The following P4HB variants were observed in gnomAD, a reference collection of about 807,000 sequenced individuals.
P4HB encodes the protein prolyl 4-hydroxylase subunit beta, also known as protein disulfide-isomerase.
Under a neutral mutation model 52.6 loss-of-function variants are expected in P4HB, and 20 were observed. That is an observed-to-expected ratio of 0.38 (90% CI 0.27 to 0.55). The LOEUF is 0.55. Among genes scored for constraint, P4HB ranks in the 20% least tolerant of loss-of-function variants. The pLI, the probability that P4HB is intolerant of heterozygous loss-of-function variation, is 0.74. For synonymous variants in P4HB, 296 were observed against 277.9 expected (o/e 1.07, Z -0.65); for missense variants, 601 against 669.2 (o/e 0.90, Z 1.12).
chr17:81,857,453 C>T (rs2038929484), intron 2 of P4HB, among the ~76,000 whole-genome samples: 1 of 152,184 alleles, frequency 6.6e-6, no homozygotes, highest in South Asian at 2.1e-4. Flanking sequence ...CCAGCCTGTC[C>T]TCTGCGTTAT....
In P4HB at chr17:81,859,164, C is replaced by T. The variant is rs534290895; in HGVS notation, c.352+17G>A. The T allele has an allele frequency of 5.6e-6, 9 of 1,609,290 alleles. No individual in the cohort carries two copies. The highest frequency in any genetic ancestry group is 7.7e-6 in the Non-Finnish European group (9 of 1,175,964). ...TCCCTCTCTAAAGACAGTTCAAGGG[C>T]AGTGCCACAGCCACACCTGTATATT... On this transcript the variant is annotated intron_variant, in intron 2 of 10. Transcript: ENST00000331483.
At chr17:81,850,404 G>A (rs1174348101) in intron 4 of P4HB, among the ~76,000 whole-genome samples, 1 of 152,044 alleles carries the variant, frequency 6.6e-6, no homozygotes, top group East Asian at 1.9e-4. Context: ...CCAAAGTGCT[G>A]GAATTACAGG....
chr17:81,855,426 GGA>G lies in P4HB; in HGVS notation c.486+25_486+26del, dbSNP rs1567840822. 6.2e-7 allele frequency: 1 copy of G among 1,600,856 alleles called. No individual in the cohort carries two copies. On this transcript the variant is annotated intron_variant, in intron 3 of 10. Transcript: ENST00000331483. This position sits in a 1 kb window ranked among gnomAD's most constrained non-coding sequence, Gnocchi z 4.3. ...CCTCCTCAATGGATGACGGAAGGAA[GGA>G]AGACTGGAATGCTCTGGTCTCTACC...
chr17:81,851,527 C>A (rs2038830482), intron 4 of P4HB, among the ~76,000 whole-genome samples: 1 of 152,190 alleles, frequency 6.6e-6, no homozygotes, highest in Non-Finnish European at 1.5e-5. Flanking sequence ...TTCAGGAGGC[C>A]CTTGGAGGGA....
intron 4 of P4HB, among the ~76,000 whole-genome samples, chr17:81,849,367 G>C (rs2038791682): frequency 7.0e-6 from 1 of 143,822 alleles, no homozygotes; most frequent in South Asian, 2.2e-4. Flanking sequence ...GTGGTGGCGG[G>C]TGCCTGTAAT....
Position 81,855,233 on chromosome 17 carries a change from G to C in P4HB, c.533C>G (p.Ala178Gly). 6.2e-7 allele frequency: 1 copy of C among 1,613,862 alleles called. No individual in the cohort carries two copies. Among genetic ancestry groups the C allele is most frequent in the Non-Finnish European group, 8.5e-7 (1 of 1,179,826 alleles). The change falls in exon 4 of 11, where the codon GCC becomes GGC. Residue 178 changes from alanine to glycine, a missense_variant. By Grantham distance (60) the Ala-to-Gly change is moderately conservative (BLOSUM62 0). Coordinates refer to ENST00000331483, the MANE Select transcript of P4HB (RefSeq NM_000918.4). This position sits in a 1 kb window ranked among gnomAD's most constrained non-coding sequence, Gnocchi z 4.3. ...SAKQFLQAAE[A>G]IDDIPFGITS... ...GATCCCAAATGGTATGTCATCGATG[G>C]CCTCTGCTGCCTGCAAAAACTGCTT...
intron 5 of P4HB, 54 bp from the exon 6 acceptor site, chr17:81,847,126 G>C: frequency 6.2e-7 from 1 of 1,610,896 alleles, no homozygotes; most frequent in Non-Finnish European, 8.5e-7. Context: ...TAATGCAGAA[G>C]ATTCTCCCAA....
Position 81,845,706 on chromosome 17 carries a change from G to A in P4HB, c.1214C>T (p.Pro405Leu), listed in dbSNP as rs374921280. 7 of 1,613,608 alleles carry A rather than the reference G, an allele frequency of 4.3e-6. No individual in the cohort carries two copies. In the East Asian group the frequency reaches 6.7e-5, roughly 15 times the overall value. The change falls in exon 9 of 11, where the codon CCC becomes CTC. Residue 405 changes from proline to leucine, a missense_variant. By Grantham distance (98) the Pro-to-Leu change is moderately conservative. Coordinates refer to ENST00000331483, the MANE Select transcript of P4HB (RefSeq NM_000918.4). Reference sequence around the variant, plus strand: ...CGTCTCTCCCAGTTTATCCCAAATGGGAGCCAACTGTTTGCAGTGACCACA... The same window carrying A: ...CGTCTCTCCCAGTTTATCCCAAATGAGAGCCAACTGTTTGCAGTGACCACA... Reference protein sequence around the residue: ...PWCGHCKQLAPIWDKLGETYK... With the variant: ...PWCGHCKQLALIWDKLGETYK...
chr17:81,856,406 C>T (rs1316781966), intron 2 of P4HB, among the ~76,000 whole-genome samples: 2 of 145,678 alleles, frequency 1.4e-5, no homozygotes, highest in African/African-American at 2.6e-5. Context: ...AGTGTGATCT[C>T]GGCTCACTGC....
In P4HB at chr17:81,845,400, ATC is replaced by A. The variant is rs951119108; in HGVS notation, c.1359+159_1359+160del. On this transcript the variant is annotated intron_variant, in intron 9 of 10. Coordinates refer to ENST00000331483, the MANE Select transcript of P4HB (RefSeq NM_000918.4). ...AGCCTAGGCAATATAGTGAGATCCC[ATC>A]TCTCTCGAAAAACAAAGGTGGGTGC... The A allele has an allele frequency of 8.2e-5, 69 of 836,842 alleles. No individual in the cohort carries two copies. The African/African-American group carries it at 1.0e-3, about 13-fold the overall frequency. The allele number at this position is 836,842 out of a possible 1,614,324, so 51.8% of individuals were successfully genotyped here.
rs919185627 is a variant in P4HB at position 81,846,586 on chromosome 17, C to T, written c.899G>A (p.Arg300His). 1.3e-5 allele frequency: 21 copies of T among 1,613,908 alleles called. No homozygotes were observed. Among genetic ancestry groups the T allele is most frequent in the African/African-American group, 5.3e-5 (4 of 74,920 alleles). ...FIDSDHTDNQRILEFFGLKKE... is the reference protein window; with the variant it reads ...FIDSDHTDNQHILEFFGLKKE... ...CTTCAGGCCAAAGAACTCGAGGATG[C>T]GCTGGTTGTCGGTGTGGTCGCTGTC... The change falls in exon 7 of 11, where the codon CGC (arginine) becomes CAC (histidine). Residue 300 changes from arginine (R) to histidine (H), a missense_variant. Arg to His is a conservative substitution (Grantham distance 29). Transcript: ENST00000331483. This position sits in a 1 kb window ranked among gnomAD's most constrained non-coding sequence, Gnocchi z 5.7.
intron 2 of P4HB, among the ~76,000 whole-genome samples, chr17:81,856,647 CT>C (rs112230345): frequency 0.035 from 4,553 of 128,424 alleles, 223 homozygotes; most frequent in African/African-American, 0.12. Flanking sequence ...AATGTTTCTT[CT>C]TTTTTTTTTT....
Position 81,851,431 on chromosome 17 carries a change from C to A in P4HB, c.624+3711G>T, listed in dbSNP as rs545580059. On this transcript the variant is annotated intron_variant, in intron 4 of 10. Transcript: ENST00000331483. ...CAGGGCACAAGCACCAACCACCCTG[C>A]CCGAACCCGAGGGGCAGAGGCTTCT... 1.1e-3 allele frequency among the ~76,000 whole-genome samples: 167 copies of A among 152,330 alleles called. 2 individuals carry two copies. Among genetic ancestry groups the A allele is most frequent in the East Asian group, 5.8e-4 (3 of 5,184 alleles).
At chr17:81,854,203 G>C (rs761010034) in intron 4 of P4HB, among the ~76,000 whole-genome samples, 2 of 152,266 alleles carry the variant, frequency 1.3e-5, no homozygotes, top group Non-Finnish European at 2.9e-5. Context: ...TCTGGAAATA[G>C]GGATGCTGCA....
chr17:81,851,118 G>A (rs1179663918), intron 4 of P4HB, among the ~76,000 whole-genome samples: 1 of 152,040 alleles, frequency 6.6e-6, no homozygotes, highest in Non-Finnish European at 1.5e-5. Flanking sequence ...TTTTAGTAGA[G>A]ACGGGGTTTC....
intron 9 of P4HB, 140 bp from the exon 10 acceptor site, chr17:81,845,370 A>T: frequency 1.1e-6 from 1 of 879,154 alleles, no homozygotes; most frequent in South Asian, 1.5e-5. Flanking sequence ...TGGGAGTTCA[A>T]AAACAGCCTA....
At chr17:81,859,993 G>C (rs2038972908) in intron 1 of P4HB, 1 of 227,344 alleles carries the variant, frequency 4.4e-6, no homozygotes, top group Non-Finnish European at 8.6e-6. Flanking sequence ...GTGGGCAGGA[G>C]CGGGGCGCCT....
chr17:81,851,698 G>A (rs1294453996), intron 4 of P4HB, among the ~76,000 whole-genome samples: 2 of 152,148 alleles, frequency 1.3e-5, no homozygotes, highest in African/African-American at 2.4e-5. Context: ...GTCAGGCGCC[G>A]CCTACACCAT....
chr17:81,846,781 C>A lies in P4HB; in HGVS notation c.856-152G>T. The A allele has an allele frequency of 8.4e-7, 1 of 1,197,264 alleles. No homozygotes were observed. The highest frequency in any genetic ancestry group is 1.2e-6 in the Non-Finnish European group (1 of 833,572). 74.2% of individuals were successfully genotyped at this position (1,197,264 alleles called of 1,614,324 possible). ...AACCAGACCAGCAGGTGACTGGGAG[C>A]AGAGGTCTGGCCTGGCTGGCCCCTC... On this transcript the variant is annotated intron_variant, in intron 6 of 10. Transcript: ENST00000331483. This position sits in a 1 kb window ranked among gnomAD's most constrained non-coding sequence, Gnocchi z 5.7.
Sources: allele counts gnomAD v4.1 joint callset (sites outside exome capture counted in the v4.1 genomes callset), GRCh38; gene constraint gnomAD v4.1.1; non-coding constraint Gnocchi (gnomAD v3.1); transcripts MANE v1.5; gene names NCBI Gene and HGNC (gene_info 2026-07-23, HGNC 2026-07-21).